Variants in SLC28A2 observed in about 807,000 individuals in gnomAD.
SLC28A2 encodes sodium/nucleoside cotransporter 2.
SLC28A2 carries 69 observed loss-of-function variants against 72.9 expected under a neutral mutation model. The ratio of observed to expected loss-of-function variants is 0.95; its 90% CI spans 0.78 to 1.16. SLC28A2 has a LOEUF of 1.16. Among genes scored for constraint, SLC28A2 ranks in the 50% most tolerant of loss-of-function variants. The pLI is 0.00. For synonymous variants in SLC28A2, 296 were observed against 294.1 expected, an observed-to-expected ratio of 1.01 and a Z score of -0.07; for missense variants, 745 against 791.1, an observed-to-expected ratio of 0.94 and a Z score of 0.70.
At chr15:45,260,151 C>T (rs781644787) in intron 3 of SLC28A2, among the ~76,000 whole-genome samples, 1 of 152,120 alleles carries the variant, frequency 6.6e-6, no homozygotes, top group Non-Finnish European at 1.5e-5. Flanking sequence ...AGTTACTATT[C>T]GTAGGCCTGA....
intron 3 of SLC28A2, among the ~76,000 whole-genome samples, chr15:45,259,505 A>G (rs1157823549): frequency 1.3e-5 from 2 of 152,166 alleles, no homozygotes; most frequent in Non-Finnish European, 2.9e-5. Context: ...GTACAAAATT[A>G]ATACCCTGAA....
Position 45,272,321 on chromosome 15 carries a change from G to A in SLC28A2, c.1675G>A (p.Asp559Asn). ...ATCAATAGTACCTCACCGGAAGAGT[G>A]ACTTGTCCAAGGTTGTGGTCAGGGC... ...LTSIVPHRKS[D>N]LSKVVVRALF... is the part of the protein sequence containing the mutation. The change falls in exon 16 of 18, where the codon GAC becomes AAC. Residue 559 changes from aspartate (D) to asparagine (N), a missense_variant. Physicochemically the swap from Asp to Asn is conservative, Grantham distance 23. Transcript: ENST00000347644. 1.9e-6 allele frequency: 3 copies of A among 1,613,922 alleles called. No individual in the cohort carries two copies. Among genetic ancestry groups the A allele is most frequent in the Non-Finnish European group, 2.5e-6 (3 of 1,180,022 alleles).
At chr15:45,269,907 T>C (rs554928198) in intron 14 of SLC28A2, among the ~76,000 whole-genome samples, 3 of 152,342 alleles carry the variant, frequency 2.0e-5, no homozygotes, top group African/African-American at 7.2e-5. Context: ...TTCTTTTTCT[T>C]TCCCTTTGCC....
Position 45,264,717 on chromosome 15 carries a change from C to T in SLC28A2, c.651C>T (p.Ile217=). Residue 217 remains isoleucine (I), a synonymous_variant, in exon 7 of 18, where the codon ATC becomes ATT. Transcript: ENST00000347644. The stretch of plus-strand genomic sequence containing the variant: ...AATTTGTCTTTGGGATCTTGGTCAT[C>T]AGAACTGATCTTGGATATACTGTAT... ...GLQFVFGILV[I]RTDLGYTVFQ... 1 of 1,613,906 alleles carries T rather than the reference C, an allele frequency of 6.2e-7. No homozygotes were observed. The highest frequency in any genetic ancestry group is 1.1e-5 in the South Asian group (1 of 91,078).
At chr15:45,265,775 C>A in intron 9 of SLC28A2, 112 bp downstream of exon 9, 5 of 785,654 alleles carry the variant, frequency 6.4e-6, no homozygotes, top group Non-Finnish European at 1.1e-5. Context: ...TGGGAAAAGG[C>A]AGGCCCTCTC....
chr15:45,270,211 T>A lies in SLC28A2; in HGVS notation c.1583T>A (p.Ile528Asn), dbSNP rs1357016052. Residue 528 changes from isoleucine to asparagine, a missense_variant, in exon 15 of 18, where the codon ATT becomes AAT. Ile to Asn is a moderately radical substitution (Grantham distance 149). Transcript: ENST00000347644. ...TTTCCCTAGGTGAGAGCTGAAATCA[T>A]TACAACATTTTCACTCTGTGGATTT... ...KQWISVRAEIITTFSLCGFAN... is the reference protein window; with the variant it reads ...KQWISVRAEINTTFSLCGFAN... The A allele has an allele frequency of 1.2e-6, 2 of 1,613,460 alleles. No homozygotes were observed. Among genetic ancestry groups the A allele is most frequent in the South Asian group, 2.2e-5 (2 of 91,072 alleles).
At chr15:45,263,037 T>G (rs1223700112) in intron 4 of SLC28A2, 24 bp from the exon 5 acceptor site, 1 of 1,600,842 alleles carries the variant, frequency 6.2e-7, no homozygotes, top group Non-Finnish European at 8.5e-7. Flanking sequence ...TTGCTGATCT[T>G]TACTCTGCTT....
At chr15:45,272,271 G>A in intron 15 of SLC28A2, 24 bp from the exon 16 acceptor site, 1 of 1,603,318 alleles carries the variant, frequency 6.2e-7, no homozygotes, top group Admixed American at 1.7e-5. Flanking sequence ...AAAAGCTGAA[G>A]TTATTTTATT....
chr15:45,264,574 A>G, intron 6 of SLC28A2, 81 bp from the exon 7 acceptor site: 1 of 949,804 alleles, frequency 1.1e-6, no homozygotes, highest in Non-Finnish European at 1.7e-6. Flanking sequence ...GGTTGGTTCC[A>G]CCCAGAGTAC....
chr15:45,273,926 T>C (rs907930725), intron 17 of SLC28A2, among the ~76,000 whole-genome samples: 5 of 152,094 alleles, frequency 3.3e-5, no homozygotes, highest in South Asian at 4.1e-4. Context: ...AGGGAGAGAT[T>C]ATGGCTTAAT....
chr15:45,263,032 G>C, intron 4 of SLC28A2, 29 bp from the exon 5 acceptor site: 1 of 1,591,844 alleles, frequency 6.3e-7, no homozygotes, highest in Non-Finnish European at 8.6e-7. Context: ...CTGCCTTGCT[G>C]ATCTTTACTC....
At position 45,275,641 on chromosome 15, in the gene SLC28A2, A is replaced by C. The variant is rs1361039746; in HGVS notation, c.*128A>C. 2 of 681,046 alleles carry C rather than the reference A, an allele frequency of 2.9e-6. No individual in the cohort carries two copies. The highest frequency in any genetic ancestry group is 5.2e-6 in the Non-Finnish European group (2 of 387,414). 42.2% of individuals were successfully genotyped at this position (681,046 alleles called of 1,614,324 possible). ...TAACAGTAAGTAACAGTAAATGTAA[A>C]AGATTCATTTTGGGCCGGGCTCAGT... On this transcript the variant is annotated 3_prime_UTR_variant, in exon 18 of 18. Transcript: ENST00000347644.
In SLC28A2 at chr15:45,276,849, G is replaced by C. The variant is rs1461008693; in HGVS notation, c.*1336G>C. The C allele has an allele frequency of 6.6e-6, 1 of 152,118 alleles. No individual in the cohort carries two copies. The highest frequency in any genetic ancestry group is 1.5e-5 in the Non-Finnish European group (1 of 68,006). 9.4% of individuals were successfully genotyped at this position (152,118 alleles called of 1,614,324 possible). ...ACACAGTAAACAAAAAATACTTCCT[G>C]TATACTAAGGAAGACTTCTAAGGAA... On this transcript the variant is annotated 3_prime_UTR_variant, in exon 18 of 18. Coordinates refer to ENST00000347644, the MANE Select transcript of SLC28A2 (RefSeq NM_004212.4).
chr15:45,269,168 A>T (rs1900454266), intron 13 of SLC28A2, among the ~76,000 whole-genome samples, 170 bp from the exon 14 acceptor site: 1 of 151,972 alleles, frequency 6.6e-6, no homozygotes, highest in Admixed American at 6.6e-5. Context: ...AAAGTATAAT[A>T]ATAATAAAAA....
At chr15:45,261,925 C>A in intron 3 of SLC28A2, 90 bp from the exon 4 acceptor site, 1 of 852,324 alleles carries the variant, frequency 1.2e-6, no homozygotes, top group Non-Finnish European at 2.0e-6. Flanking sequence ...GCTAATTCTG[C>A]CTTGTGTTAG....
At chr15:45,252,975 T>C (rs963303159) in intron 1 of SLC28A2, among the ~76,000 whole-genome samples, 1 of 152,264 alleles carries the variant, frequency 6.6e-6, no homozygotes, top group Non-Finnish European at 1.5e-5. Context: ...TTACTGCCTC[T>C]TCTTTAGCTA....
At chr15:45,258,200 G>T (rs1900033607) in intron 3 of SLC28A2, among the ~76,000 whole-genome samples, 1 of 151,976 alleles carries the variant, frequency 6.6e-6, no homozygotes, top group African/African-American at 2.4e-5. Context: ...TCCAGCCTGG[G>T]CAACAGTGAG....
At chr15:45,273,175 T>TA (rs1024136173) in intron 17 of SLC28A2, among the ~76,000 whole-genome samples, 11 of 151,864 alleles carry the variant, frequency 7.2e-5, no homozygotes, top group Non-Finnish European at 1.2e-4. Context: ...TTATATTAAT[T>TA]AAAAAAAAGA....
intron 15 of SLC28A2, among the ~76,000 whole-genome samples, chr15:45,271,592 G>GGAAA (rs1900573548): frequency 2.0e-5 from 3 of 149,358 alleles, no homozygotes; most frequent in Admixed American, 1.3e-4. Context: ...AAGGAAGGAA[G>GGAAA]GAAGGAAGGA....
Sources: gnomAD v4.1 joint callset for allele counts (sites outside exome capture counted in the v4.1 genomes callset) on GRCh38, gnomAD v4.1.1 for gene constraint, MANE v1.5 for transcripts, NCBI Gene and HGNC (gene_info 2026-07-23, HGNC 2026-07-21) for gene names.